Variants in ZFAND3 observed in about 807,000 individuals in gnomAD.
The protein encoded by ZFAND3 is zinc finger AN1-type containing 3, also known as AN1-type zinc finger protein 3.
Under a neutral mutation model 29.6 loss-of-function variants are expected in ZFAND3, and 10 were observed. The observed-to-expected ratio is 0.34, with a 90% CI of 0.21 to 0.57. The LOEUF (loss-of-function observed/expected upper bound fraction) is 0.57. Ranked by LOEUF, ZFAND3 falls within the 20% of genes least tolerant of loss-of-function variation. ZFAND3 has a pLI of 0.86. For synonymous variants in ZFAND3, 128 were observed against 112.6 expected, an observed-to-expected ratio of 1.14 and a Z score of -0.87; for missense variants, 230 against 304.5, an observed-to-expected ratio of 0.76 and a Z score of 1.82.
chr6:38,085,581 A>G (rs1444723323), intron 4 of ZFAND3, among the ~76,000 whole-genome samples: 1 of 152,154 alleles, frequency 6.6e-6, no homozygotes, highest in Non-Finnish European at 1.5e-5. Context: ...GTGTGTGTTC[A>G]TACATATACT....
intron 1 of ZFAND3, among the ~76,000 whole-genome samples, chr6:37,869,613 A>G (rs1459879611): frequency 1.3e-5 from 2 of 150,972 alleles, no homozygotes; most frequent in East Asian, 1.9e-4. Context: ...GGCTCAGGCA[A>G]TCCTCACACC....
intron 1 of ZFAND3, among the ~76,000 whole-genome samples, chr6:37,857,345 A>T (rs1351826474): frequency 6.6e-6 from 1 of 152,188 alleles, no homozygotes; most frequent in African/African-American, 2.4e-5. Context: ...AATACCTTGT[A>T]TTGGGGAGAC....
chr6:37,965,773 T>C (rs1762281890), intron 2 of ZFAND3, among the ~76,000 whole-genome samples: 1 of 152,156 alleles, frequency 6.6e-6, no homozygotes, highest in Non-Finnish European at 1.5e-5. Flanking sequence ...GAAGAATAAC[T>C]TTTTAAATTT....
At chr6:37,863,300 A>G (rs929984432) in intron 1 of ZFAND3, among the ~76,000 whole-genome samples, 1 of 152,242 alleles carries the variant, frequency 6.6e-6, no homozygotes, top group East Asian at 1.9e-4. Flanking sequence ...AAATATTTCT[A>G]TTGAATCAGA....
chr6:38,127,856 T>TGAA (rs1765664247), intron 5 of ZFAND3, among the ~76,000 whole-genome samples: 1 of 152,222 alleles, frequency 6.6e-6, no homozygotes, highest in African/African-American at 2.4e-5. Flanking sequence ...TGGCAGTGCC[T>TGAA]GCTCCTCCCT....
intron 2 of ZFAND3, among the ~76,000 whole-genome samples, chr6:38,045,194 C>G (rs979190641): frequency 1.3e-5 from 2 of 151,402 alleles, no homozygotes; most frequent in Non-Finnish European, 3.0e-5. Flanking sequence ...TTTAAGCAGT[C>G]CTCCTGCTTC....
intron 1 of ZFAND3, among the ~76,000 whole-genome samples, chr6:37,826,730 G>A (rs1256173631): frequency 3.3e-5 from 5 of 150,072 alleles, no homozygotes; most frequent in Non-Finnish European, 7.4e-5. Flanking sequence ...TCCAGTCTGG[G>A]CAACACAGTG....
chr6:38,118,040 G>C (rs1304443796), intron 5 of ZFAND3, among the ~76,000 whole-genome samples: 1 of 152,212 alleles, frequency 6.6e-6, no homozygotes, highest in Non-Finnish European at 1.5e-5. Flanking sequence ...AATGTTACCA[G>C]ATAAGGTTTT....
At position 37,950,138 on chromosome 6, in the gene ZFAND3, A is replaced by C. The variant is rs114781526; in HGVS notation, c.112+20139A>C. Among the ~76,000 whole-genome samples, 872 of 152,294 alleles carry C rather than the reference A, an allele frequency of 5.7e-3. 9 individuals are homozygous for C. The highest frequency in any genetic ancestry group is 0.02 in the African/African-American group (837 of 41,558). On this transcript the variant is annotated intron_variant, in intron 2 of 5. Transcript: ENST00000287218. Reference sequence around the variant, plus strand: ...TTGATAATTTCTTTTGACGTGCAGAAGCTCTATACTTAGGTTCCACTTGTT... The same window carrying C: ...TTGATAATTTCTTTTGACGTGCAGACGCTCTATACTTAGGTTCCACTTGTT...
chr6:37,859,529 A>G (rs1257622260), intron 1 of ZFAND3, among the ~76,000 whole-genome samples: 2 of 152,198 alleles, frequency 1.3e-5, no homozygotes, highest in African/African-American at 4.8e-5. Flanking sequence ...TCTACCTACC[A>G]ATTTTCTGAT....
intron 2 of ZFAND3, among the ~76,000 whole-genome samples, chr6:38,012,408 G>A (rs928831573): frequency 3.0e-5 from 4 of 134,488 alleles, no homozygotes; most frequent in Admixed American, 8.4e-5. Flanking sequence ...AGTCGGAGTC[G>A]TGCACTGTCA....
chr6:37,862,316 A>G (rs1261741304), intron 1 of ZFAND3, among the ~76,000 whole-genome samples: 4 of 152,160 alleles, frequency 2.6e-5, no homozygotes, highest in Non-Finnish European at 2.9e-5. Flanking sequence ...CCCATCATAC[A>G]GTATCTTAAA....
chr6:37,939,427 T>A (rs1159093470), intron 2 of ZFAND3, among the ~76,000 whole-genome samples: 1 of 152,200 alleles, frequency 6.6e-6, no homozygotes, highest in Non-Finnish European at 1.5e-5. Context: ...ATTGGCTCAG[T>A]CTTATCCCGG....
At chr6:37,990,895 C>T (rs1490189854) in intron 2 of ZFAND3, among the ~76,000 whole-genome samples, 3 of 152,106 alleles carry the variant, frequency 2.0e-5, no homozygotes, top group African/African-American at 2.4e-5. Context: ...TAGTTATAGA[C>T]GTGGAAGTAA....
chr6:37,991,784 A>G (rs1762763385), intron 2 of ZFAND3, among the ~76,000 whole-genome samples: 1 of 152,146 alleles, frequency 6.6e-6, no homozygotes, highest in Non-Finnish European at 1.5e-5. Flanking sequence ...TTACGCTTTT[A>G]CAGACCCTAT....
At chr6:37,889,123 C>T (rs1404288198) in intron 1 of ZFAND3, among the ~76,000 whole-genome samples, 1 of 152,180 alleles carries the variant, frequency 6.6e-6, no homozygotes, top group African/African-American at 2.4e-5. Context: ...TTGTCTTTCT[C>T]CATTACGTAG....
intron 5 of ZFAND3, among the ~76,000 whole-genome samples, chr6:38,130,292 A>T (rs879205905): frequency 6.6e-6 from 1 of 152,092 alleles, no homozygotes; most frequent in Non-Finnish European, 1.5e-5. Context: ...AATGATTTGG[A>T]TGCCCTTTAT....
intron 3 of ZFAND3, chr6:38,062,318 G>GTAT (rs1441622646): frequency 6.6e-6 from 1 of 152,144 alleles, no homozygotes; most frequent in African/African-American, 2.4e-5. Context: ...GGAGGAGATG[G>GTAT]TATTACTCTT....
chr6:37,852,540 C>T lies in ZFAND3; in HGVS notation c.71+32524C>T, dbSNP rs529250959. Among the ~76,000 whole-genome samples the T allele has an allele frequency of 8.5e-5, 13 of 152,208 alleles. No individual in the cohort carries two copies. In the East Asian group the frequency reaches 1.7e-3, roughly 20 times the overall value. On this transcript the variant is annotated intron_variant, in intron 1 of 5. Transcript: ENST00000287218. ...CTATCACCTCATGCACATATCTTGC[C>T]GTTTCCAAACTCCATGCCTTCTTAT... is the stretch of plus-strand genomic sequence containing the variant.
Sources: allele counts gnomAD v4.1 joint callset (sites outside exome capture counted in the v4.1 genomes callset), GRCh38; gene constraint gnomAD v4.1.1; transcripts MANE v1.5; gene names NCBI Gene and HGNC (gene_info 2026-07-23, HGNC 2026-07-21).